Variants in FRMD5 observed in about 807,000 individuals in gnomAD.
FRMD5 encodes the protein FERM domain-containing protein 5.
A neutral mutation model predicts 69.0 loss-of-function variants in FRMD5; 20 were observed. The observed-to-expected ratio is 0.29, with a 90% CI of 0.20 to 0.42. The LOEUF (loss-of-function observed/expected upper bound fraction) is 0.42. Ranked by LOEUF, FRMD5 falls within the 10% of genes least tolerant of loss-of-function variation. The pLI is 1.00. For synonymous variants in FRMD5, 271 were observed against 260.1 expected, an observed-to-expected ratio of 1.04 and a Z score of -0.40; for missense variants, 595 against 708.6, an observed-to-expected ratio of 0.84 and a Z score of 1.82.
At chr15:44,094,152 A>G (rs2076516776) in intron 1 of FRMD5, among the ~76,000 whole-genome samples, 1 of 152,176 alleles carries the variant, frequency 6.6e-6, no homozygotes. Context: ...CATGACAACA[A>G]ATCAAGGCAG....
chr15:44,057,546 A>G (rs1892923458), intron 1 of FRMD5, among the ~76,000 whole-genome samples: 2 of 152,150 alleles, frequency 1.3e-5, no homozygotes, highest in African/African-American at 4.8e-5. Flanking sequence ...TTGCTTCTCA[A>G]AGCTTCTCAC....
At chr15:44,119,372 C>T (rs1015984856) in intron 1 of FRMD5, among the ~76,000 whole-genome samples, 5 of 152,140 alleles carry the variant, frequency 3.3e-5, no homozygotes, top group African/African-American at 1.2e-4. Flanking sequence ...GGGAGGTAAG[C>T]AAGGCTACTG....
intron 1 of FRMD5, among the ~76,000 whole-genome samples, chr15:44,003,876 C>A (rs1489152973): frequency 6.6e-6 from 1 of 152,140 alleles, no homozygotes; most frequent in Non-Finnish European, 1.5e-5. Context: ...CCCTGGATCA[C>A]TGCTAGAATT....
chr15:44,075,645 G>A (rs1893726204), intron 1 of FRMD5, among the ~76,000 whole-genome samples: 1 of 152,082 alleles, frequency 6.6e-6, no homozygotes, highest in Admixed American at 6.6e-5. Flanking sequence ...AGCCATGGAA[G>A]CATTCAGAGT....
intron 1 of FRMD5, among the ~76,000 whole-genome samples, chr15:44,084,779 C>T (rs1894129028): frequency 6.6e-6 from 1 of 152,012 alleles, no homozygotes; most frequent in Admixed American, 6.6e-5. Context: ...TTAAAAAGAA[C>T]TATAGAAATG....
chr15:43,967,108 G>A (rs1255375996), intron 1 of FRMD5, among the ~76,000 whole-genome samples: 1 of 152,028 alleles, frequency 6.6e-6, no homozygotes. Context: ...ACTTTGGATA[G>A]ATGCATAGTT....
intron 1 of FRMD5, among the ~76,000 whole-genome samples, chr15:44,083,539 T>C (rs1385233636): frequency 1.3e-5 from 2 of 152,010 alleles, no homozygotes; most frequent in Non-Finnish European, 1.5e-5. Flanking sequence ...GAGCTTCAAC[T>C]GAACCCAGGA....
At chr15:44,101,804 T>C (rs756539430) in intron 1 of FRMD5, among the ~76,000 whole-genome samples, 2 of 152,244 alleles carry the variant, frequency 1.3e-5, no homozygotes, top group Non-Finnish European at 2.9e-5. Flanking sequence ...CTGAGAATGA[T>C]GCCTGAACCA....
chr15:44,124,895 G>A (rs1016239970), intron 1 of FRMD5, among the ~76,000 whole-genome samples: 2 of 152,144 alleles, frequency 1.3e-5, no homozygotes, highest in East Asian at 1.9e-4. Context: ...AGAAGAGGAC[G>A]GGAAGATCGC....
chr15:44,145,337 T>C (rs1447676778), intron 1 of FRMD5, among the ~76,000 whole-genome samples: 1 of 152,230 alleles, frequency 6.6e-6, no homozygotes, highest in African/African-American at 2.4e-5. Context: ...CTTAAAATCC[T>C]GCATTTCTTT....
At position 43,943,649 on chromosome 15, in the gene FRMD5, G is replaced by C. The variant is rs72716036; in HGVS notation, c.103-19340C>G. Among the ~76,000 whole-genome samples, 540 of 152,338 alleles carry C rather than the reference G, an allele frequency of 3.5e-3. 1 individual carries two copies. Among genetic ancestry groups the C allele is most frequent in the Non-Finnish European group, 6.0e-3 (409 of 68,020 alleles). On this transcript the variant is annotated intron_variant, in intron 1 of 13. Coordinates refer to ENST00000417257, the MANE Select transcript of FRMD5 (RefSeq NM_032892.5). The stretch of plus-strand genomic sequence containing the variant: ...CCATGAAGAGACATAGACACACACA[G>C]AGGGAAGACAGAGGCAGAGGTCAGA...
At chr15:43,988,367 T>TC (rs997299782) in intron 1 of FRMD5, among the ~76,000 whole-genome samples, 2 of 151,892 alleles carry the variant, frequency 1.3e-5, no homozygotes, top group African/African-American at 4.8e-5. Context: ...CTTTTTTTTT[T>TC]TTTTAGCAAC....
chr15:44,034,160 T>G (rs2140293296), intron 1 of FRMD5, among the ~76,000 whole-genome samples: 1 of 152,324 alleles, frequency 6.6e-6, no homozygotes, highest in East Asian at 1.9e-4. Flanking sequence ...GATCTCAATT[T>G]TTGATAATCA....
chr15:43,873,153 C>G lies in FRMD5; in HGVS notation c.*732G>C, dbSNP rs775609747. 237 of 1,548,360 alleles carry G rather than the reference C, an allele frequency of 1.5e-4. No individual in the cohort carries two copies. Among genetic ancestry groups the G allele is most frequent in the Non-Finnish European group, 2.0e-4 (225 of 1,145,136 alleles). ...ATGGTGATGCCCACTAGGCTCTAGACTAAGGGGACAGACTTACCCCACCCC... is the reference window on the plus strand; with the variant it reads ...ATGGTGATGCCCACTAGGCTCTAGAGTAAGGGGACAGACTTACCCCACCCC... On this transcript the variant is annotated 3_prime_UTR_variant, in exon 14 of 14. Transcript: ENST00000417257.
At chr15:44,162,589 C>T (rs904987577) in intron 1 of FRMD5, among the ~76,000 whole-genome samples, 7 of 151,624 alleles carry the variant, frequency 4.6e-5, no homozygotes, top group Non-Finnish European at 1.0e-4. Context: ...CCATGTCGGC[C>T]GGGCGCGGTG....
chr15:44,106,904 C>T (rs115000992), intron 1 of FRMD5, among the ~76,000 whole-genome samples: 1,900 of 152,274 alleles, frequency 0.012, 49 homozygotes, highest in African/African-American at 0.044. Flanking sequence ...TGACTGAGAA[C>T]ATCAATGAGC....
chr15:43,902,444 C>T (rs542879051), intron 6 of FRMD5, among the ~76,000 whole-genome samples, 182 bp from the exon 7 acceptor site: 5 of 152,206 alleles, frequency 3.3e-5, no homozygotes, highest in South Asian at 2.1e-4. Context: ...TGTCTTCAAA[C>T]GTTTTCAGAG....
intron 1 of FRMD5, among the ~76,000 whole-genome samples, chr15:43,972,075 A>AATATAT (rs140728846): frequency 6.8e-6 from 1 of 146,348 alleles, no homozygotes; most frequent in African/African-American, 2.5e-5. Flanking sequence ...CTTATATATA[A>AATATAT]ATATATATAT....
intron 1 of FRMD5, among the ~76,000 whole-genome samples, chr15:43,947,009 T>A (rs2089958033): frequency 6.6e-6 from 1 of 152,214 alleles, no homozygotes. Flanking sequence ...GTACAAGCTT[T>A]TAAATTCCCG....
Sources: allele counts gnomAD v4.1 joint callset (sites outside exome capture counted in the v4.1 genomes callset), GRCh38; gene constraint gnomAD v4.1.1; transcripts MANE v1.5; gene names NCBI Gene and HGNC (gene_info 2026-07-23, HGNC 2026-07-21).